The following DDX1 variants were observed in gnomAD, a reference collection of about 807,000 sequenced individuals.
DDX1 encodes the protein ATP-dependent RNA helicase DDX1.
A neutral mutation model predicts 108.7 loss-of-function variants in DDX1; 28 were observed. That is an observed-to-expected ratio of 0.26 (90% CI 0.19 to 0.35). The LOEUF (loss-of-function observed/expected upper bound fraction) is 0.35, where lower values mean the gene tolerates loss of function less well. Ranked by LOEUF, DDX1 falls within the 10% of genes least tolerant of loss-of-function variation. The pLI, the probability that DDX1 is intolerant of heterozygous loss-of-function variation, is 1.00. For missense variants in DDX1, 710 were observed against 884.5 expected, an observed-to-expected ratio of 0.80 and a Z score of 2.50; for synonymous variants, 295 against 288.9, an observed-to-expected ratio of 1.02 and a Z score of -0.21.
chr2:15,611,337 C>G (rs1665750066), intron 13 of DDX1, among the ~76,000 whole-genome samples: 1 of 151,792 alleles, frequency 6.6e-6, no homozygotes, highest in Admixed American at 6.6e-5. Context: ...CCCCACCTCT[C>G]CCCACTTTCT....
chr2:15,613,127 C>T, intron 13 of DDX1, 97 bp from the exon 14 acceptor site: 1 of 835,136 alleles, frequency 1.2e-6, no homozygotes, highest in Non-Finnish European at 1.8e-6. Flanking sequence ...CTTTCTCAAC[C>T]TTAATTTCCA....
In DDX1 at chr2:15,623,237, AAAAT is replaced by A. The variant is rs964718706; in HGVS notation, c.1448-194_1448-191del. On this transcript the variant is annotated intron_variant, in intron 18 of 25. Coordinates refer to ENST00000233084, the MANE Select transcript of DDX1 (RefSeq NM_004939.3). ...AGCATAAAAAATATTAACAGAAACA[AAAAT>A]AAATGAATGAATGGTTTAACTCACT... Among the ~76,000 whole-genome samples the A allele has an allele frequency of 1.4e-4, 21 of 152,280 alleles. 1 individual carries two copies. In the East Asian group the frequency reaches 3.3e-3, roughly 24 times the overall value.
At chr2:15,591,987 T>A in intron 1 of DDX1, 38 bp downstream of exon 1, 2 of 1,396,312 alleles carry the variant, frequency 1.4e-6, no homozygotes, top group Non-Finnish European at 1.9e-6. Context: ...TGGGGCGGCT[T>A]GTTGCACGCC....
intron 5 of DDX1, among the ~76,000 whole-genome samples, 173 bp from the exon 6 acceptor site, chr2:15,599,496 A>G (rs1665555031): frequency 6.6e-6 from 1 of 151,450 alleles, no homozygotes; most frequent in South Asian, 2.1e-4. Flanking sequence ...TTTTTTTAGT[A>G]GAGATGAGGT....
Position 15,603,903 on chromosome 2 carries a change from G to A in DDX1, c.552+13G>A, listed in dbSNP as rs371993353. On this transcript the variant is annotated intron_variant, in intron 9 of 25. Coordinates refer to ENST00000233084, the MANE Select transcript of DDX1 (RefSeq NM_004939.3). ...TAATTATGGAGAGGTAAGCGATTATGTTATGACTTCAACATAGCATAAGTA... is the reference window on the plus strand; with the variant it reads ...TAATTATGGAGAGGTAAGCGATTATATTATGACTTCAACATAGCATAAGTA... 2.5e-6 allele frequency: 4 copies of A among 1,570,264 alleles called. No individual in the cohort carries two copies. Among genetic ancestry groups the A allele is most frequent in the Non-Finnish European group, 2.6e-6 (3 of 1,143,776 alleles).
At position 15,601,706 on chromosome 2, in the gene DDX1, T is replaced by G. The variant is rs1156365291; in HGVS notation, c.308-842T>G. 2.0e-5 allele frequency among the ~76,000 whole-genome samples: 3 copies of G among 152,350 alleles called. No individual in the cohort carries two copies. The East Asian group carries it at 5.8e-4, about 29-fold the overall frequency. On this transcript the variant is annotated intron_variant, in intron 6 of 25. Transcript: ENST00000233084. ...AAAAGTTCAGTTCTACATAATTCAG[T>G]ACCCATATGGGTAAGAATTCATACT...
In DDX1 at chr2:15,629,057, C is replaced by T. The variant is rs138611711; in HGVS notation, c.1875+218C>T. ...TGCAAAATATAATTTTTCCAACTAG[C>T]TTTATTGTACTCATTTCCACCAAAA... On this transcript the variant is annotated intron_variant, in intron 23 of 25. Transcript: ENST00000233084. Among the ~76,000 whole-genome samples, 607 of 152,172 alleles carry T rather than the reference C, an allele frequency of 4.0e-3. 5 individuals carry two copies. Among genetic ancestry groups the T allele is most frequent in the African/African-American group, 0.011 (450 of 41,528 alleles).
chr2:15,619,339 T>C (rs915740995), intron 16 of DDX1, among the ~76,000 whole-genome samples: 1 of 152,130 alleles, frequency 6.6e-6, no homozygotes, highest in Non-Finnish European at 1.5e-5. Flanking sequence ...GGGGCCAGGG[T>C]CCAGAGTGGT....
At chr2:15,607,087 G>T (rs1453803213) in intron 12 of DDX1, 88 bp from the exon 13 acceptor site, 3 of 1,174,464 alleles carry the variant, frequency 2.6e-6, no homozygotes, top group African/African-American at 3.1e-5. Flanking sequence ...GTAAAATGTT[G>T]ATATTAGAAT....
chr2:15,599,589 AGTCGTG>A, intron 5 of DDX1, 74 bp from the exon 6 acceptor site: 1 of 1,058,442 alleles, frequency 9.4e-7, no homozygotes. Flanking sequence ...CTGAGATTAC[AGTCGTG>A]AGTCACCGCA....
rs776813627 is a variant in DDX1, at chr2:15,627,100, T to A, written c.1641T>A (p.Gly547=). The A allele has an allele frequency of 5.0e-6, 8 of 1,612,048 alleles. No individual in the cohort carries two copies. In the African/African-American group the frequency reaches 8.0e-5, roughly 16 times the overall value. Residue 547 remains glycine (G), a synonymous_variant, in exon 20 of 26, where the codon GGT becomes GGA. Transcript: ENST00000233084. The part of the protein sequence containing the change: ...GHQFSCVCLH[G]DRKPHERKQN... ...AGTTCTCATGTGTTTGTCTTCATGG[T>A]GACAGAAAGCCTCATGAGAGAAAGC...
rs770654768 is a variant in DDX1, at chr2:15,613,281, T to C, written c.1014T>C (p.Asn338=). 6.9e-6 allele frequency: 11 copies of C among 1,601,462 alleles called. No homozygotes were observed. The South Asian group carries it at 9.0e-5, about 13-fold the overall frequency. ...AARDQLSVLE[N]GVDIVVGTPG... ...GGGATCAGCTCTCTGTTTTGGAAAA[T>C]GGAGTAAGTTGTAGTTTTAATTTTT... The change falls in exon 14 of 26, where the codon AAT becomes AAC. Residue 338 remains asparagine, a synonymous_variant. Transcript: ENST00000233084.
chr2:15,614,592 G>C (rs1319211714), intron 14 of DDX1, among the ~76,000 whole-genome samples: 2 of 152,176 alleles, frequency 1.3e-5, no homozygotes, highest in East Asian at 1.9e-4. Flanking sequence ...TGCCTTTGCT[G>C]TAGGAGCGGG....
chr2:15,597,034 TTAAAA>T (rs1329569107), intron 4 of DDX1, among the ~76,000 whole-genome samples: 1 of 152,230 alleles, frequency 6.6e-6, no homozygotes, highest in Non-Finnish European at 1.5e-5. Context: ...ATGATGACTC[TTAAAA>T]TAAAAAGGTT....
intron 19 of DDX1, among the ~76,000 whole-genome samples, chr2:15,623,850 TTTA>T (rs1164580488): frequency 6.6e-6 from 1 of 152,082 alleles, no homozygotes; most frequent in Non-Finnish European, 1.5e-5. Flanking sequence ...GATAAAGTAA[TTTA>T]TTAGTCTTAA....
chr2:15,629,312 A>C (rs893887203), intron 23 of DDX1, among the ~76,000 whole-genome samples: 8 of 152,196 alleles, frequency 5.3e-5, no homozygotes, highest in Non-Finnish European at 1.2e-4. Context: ...ATATTGACAT[A>C]GTATGCTTCA....
rs775889486 is a variant in DDX1, at chr2:15,597,389, A to G, written c.177A>G (p.Pro59=). ...GSGKTGAFSI[P]VIQIVYETLK... is the part of the protein sequence containing the mutation. ...TTCTTTGATAGGCTTTTAGTATTCC[A>G]GTTATCCAGATAGTTTATGAAACTC... is the stretch of plus-strand genomic sequence containing the variant. Residue 59 remains proline, a synonymous_variant, in exon 5 of 26, where the codon CCA becomes CCG. Transcript: ENST00000233084. The G allele has an allele frequency of 6.2e-7, 1 of 1,601,918 alleles. No homozygotes were observed. The highest frequency in any genetic ancestry group is 1.7e-4 in the Middle Eastern group (1 of 6,034).
At chr2:15,595,042 T>A in intron 1 of DDX1, 103 bp from the exon 2 acceptor site, 1 of 849,370 alleles carries the variant, frequency 1.2e-6, no homozygotes, top group South Asian at 1.9e-5. Context: ...GTAACTGAGC[T>A]ATCCTTCAAA....
chr2:15,626,075 G>T lies in DDX1; in HGVS notation c.1595-979G>T, dbSNP rs187327523. 1.7e-4 allele frequency among the ~76,000 whole-genome samples: 26 copies of T among 152,118 alleles called. No individual in the cohort carries two copies. In the East Asian group the frequency reaches 4.8e-3, roughly 28 times the overall value. On this transcript the variant is annotated intron_variant, in intron 19 of 25. Coordinates refer to ENST00000233084, the MANE Select transcript of DDX1 (RefSeq NM_004939.3). ...TGATGCTCCTTCCCTAAATATTCTG[G>T]ATGTAGATGTTACTTCTGCCTAGAA...
Sources: allele counts gnomAD v4.1 joint callset (sites outside exome capture counted in the v4.1 genomes callset), GRCh38; gene constraint gnomAD v4.1.1; transcripts MANE v1.5; gene names NCBI Gene and HGNC (gene_info 2026-07-23, HGNC 2026-07-21).